Variants in HS6ST3 observed in about 807,000 individuals in gnomAD.
HS6ST3 encodes heparan sulfate 6-O-sulfotransferase 3.
Under a neutral mutation model 36.7 loss-of-function variants are expected in HS6ST3, and 12 were observed. The ratio of observed to expected loss-of-function variants is 0.33; its 90% CI spans 0.21 to 0.53. HS6ST3 has a LOEUF of 0.53. HS6ST3 is among the 20% of genes least tolerant of loss of function. The pLI is 0.95. For synonymous variants in HS6ST3, 240 were observed against 257.5 expected (o/e 0.93, Z 0.65); for missense variants, 584 against 640.9 (o/e 0.91, Z 0.96).
intron 1 of HS6ST3, among the ~76,000 whole-genome samples, chr13:96,634,062 A>C (rs1460879875): frequency 6.6e-6 from 1 of 152,178 alleles, no homozygotes; most frequent in Non-Finnish European, 1.5e-5. Context: ...GGATATGAGG[A>C]GGCAGCCATC....
At chr13:96,640,141 C>T (rs2056565283) in intron 1 of HS6ST3, among the ~76,000 whole-genome samples, 1 of 151,978 alleles carries the variant, frequency 6.6e-6, no homozygotes, top group Non-Finnish European at 1.5e-5. Context: ...TGAGAAATGT[C>T]CAAACTGCTT....
At position 96,839,312 on chromosome 13, in the gene HS6ST3, T is replaced by C. The variant is rs953336468; in HGVS notation, c.*6114T>C. 3.9e-5 allele frequency: 6 copies of C among 152,204 alleles called. No homozygotes were observed. The highest frequency in any genetic ancestry group is 3.9e-4 in the Admixed American group (6 of 15,278). The allele number at this position is 152,204 out of a possible 1,614,324, so 9.4% of individuals were successfully genotyped here. A position where few individuals can be genotyped will look rare whatever the true frequency, so the allele number is the denominator to read the frequency against. Reference sequence around the variant, plus strand: ...AGTGTTGGAAAGAAAAATCTGGATCTTTATGTGGGGACCTATTTTACATGT... The same window carrying C: ...AGTGTTGGAAAGAAAAATCTGGATCCTTATGTGGGGACCTATTTTACATGT... On this transcript the variant is annotated 3_prime_UTR_variant, in exon 2 of 2. Coordinates refer to ENST00000376705, the MANE Select transcript of HS6ST3 (RefSeq NM_153456.4).
At chr13:96,442,936 A>G (rs2055680339) in intron 1 of HS6ST3, among the ~76,000 whole-genome samples, 1 of 152,104 alleles carries the variant, frequency 6.6e-6, no homozygotes, top group Non-Finnish European at 1.5e-5. Flanking sequence ...GAGACTGGTC[A>G]ACTTTAAGAA....
In HS6ST3 at chr13:96,325,298, T is replaced by C. The variant is rs563626973; in HGVS notation, c.707+233729T>C. ...CGTTTTCTAAGGTAAGGAAATAGTT[T>C]TACACACAGTTGACCTTCTGTATCT... On this transcript the variant is annotated intron_variant, in intron 1 of 1. Transcript: ENST00000376705. Among the ~76,000 whole-genome samples the C allele has an allele frequency of 6.6e-5, 10 of 152,288 alleles. 1 individual carries two copies. Among genetic ancestry groups the C allele is most frequent in the African/African-American group, 2.4e-4 (10 of 41,558 alleles).
chr13:96,162,206 C>T (rs550953915), intron 1 of HS6ST3, among the ~76,000 whole-genome samples: 7 of 152,020 alleles, frequency 4.6e-5, no homozygotes, highest in South Asian at 2.1e-4. Context: ...ATTTAAGTGA[C>T]GTGGTAGACG....
In HS6ST3 at chr13:96,459,100, TAAAAAAAA is replaced by T. The variant is rs747439262; in HGVS notation, c.707+367549_707+367556del. Among the ~76,000 whole-genome samples the T allele has an allele frequency of 2.8e-4, 18 of 63,886 alleles. 1 individual carries two copies. The highest frequency in any genetic ancestry group is 3.7e-4 in the Non-Finnish European group (14 of 37,352). 41.9% of individuals were successfully genotyped at this position (63,886 alleles called of 152,430 possible). On this transcript the variant is annotated intron_variant, in intron 1 of 1. Coordinates refer to ENST00000376705, the MANE Select transcript of HS6ST3 (RefSeq NM_153456.4). ...GCCTGGGCGACAGAGCAAGACTGTCTAAAAAAAAAAAAAAAAAAAAAAAAAGAGGTGAC... is the reference window on the plus strand; with the variant it reads ...GCCTGGGCGACAGAGCAAGACTGTCTAAAAAAAAAAAAAAAAAGAGGTGAC...
At chr13:96,436,391 T>C (rs1160408478) in intron 1 of HS6ST3, among the ~76,000 whole-genome samples, 2 of 152,234 alleles carry the variant, frequency 1.3e-5, no homozygotes, top group African/African-American at 4.8e-5. Flanking sequence ...AATATGTCAA[T>C]GGTATCATGC....
At chr13:96,388,931 T>C (rs960583665) in intron 1 of HS6ST3, among the ~76,000 whole-genome samples, 6 of 152,140 alleles carry the variant, frequency 3.9e-5, no homozygotes, top group Non-Finnish European at 7.4e-5. Context: ...TTCCTTTAAG[T>C]TACCCAGTCT....
intron 1 of HS6ST3, among the ~76,000 whole-genome samples, chr13:96,578,180 A>G (rs963717612): frequency 6.6e-6 from 1 of 152,196 alleles, no homozygotes; most frequent in Admixed American, 6.5e-5. Context: ...TTCCTTGTCA[A>G]GAGGACTCAG....
chr13:96,315,629 TTTA>T (rs2054965001), intron 1 of HS6ST3, among the ~76,000 whole-genome samples: 2 of 152,032 alleles, frequency 1.3e-5, no homozygotes, highest in Admixed American at 1.3e-4. Context: ...TATGCATTGC[TTTA>T]TTTTCTTTTT....
At chr13:96,789,228 T>A (rs1253335133) in intron 1 of HS6ST3, among the ~76,000 whole-genome samples, 2 of 151,914 alleles carry the variant, frequency 1.3e-5, no homozygotes, top group African/African-American at 2.4e-5. Flanking sequence ...GATACTTAAC[T>A]TTTTATAGTC....
At position 96,805,360 on chromosome 13, in the gene HS6ST3, G is replaced by A. The variant is rs116891420; in HGVS notation, c.708-27130G>A. ...TCTCTCTCCTTCCACCGTGTAAGAT[G>A]TACCCTGCTTCTCCTTCCCCTTCTA... On this transcript the variant is annotated intron_variant, in intron 1 of 1. Coordinates refer to ENST00000376705, the MANE Select transcript of HS6ST3 (RefSeq NM_153456.4). 5.2e-4 allele frequency among the ~76,000 whole-genome samples: 79 copies of A among 152,236 alleles called. No homozygotes were observed. The East Asian group carries it at 0.014, about 28-fold the overall frequency.
intron 1 of HS6ST3, among the ~76,000 whole-genome samples, chr13:96,681,779 A>G (rs1163286948): frequency 6.6e-6 from 1 of 152,076 alleles, no homozygotes; most frequent in Non-Finnish European, 1.5e-5. Flanking sequence ...CAGTTTTTAA[A>G]CCACTAAGTC....
intron 1 of HS6ST3, among the ~76,000 whole-genome samples, chr13:96,564,223 A>G (rs891714113): frequency 3.3e-5 from 5 of 152,138 alleles, no homozygotes; most frequent in Non-Finnish European, 5.9e-5. Context: ...TCTTCTACCT[A>G]TTCAGGAATT....
At chr13:96,304,706 TC>T (rs1374848074) in intron 1 of HS6ST3, among the ~76,000 whole-genome samples, 3,026 of 98,062 alleles carry the variant, frequency 0.031, 65 homozygotes, top group South Asian at 0.068. Context: ...TTTCTTTCTT[TC>T]TTTCTTTTTT....
chr13:96,310,704 C>A (rs1055326120), intron 1 of HS6ST3, among the ~76,000 whole-genome samples: 1 of 150,628 alleles, frequency 6.6e-6, no homozygotes, highest in South Asian at 2.1e-4. Context: ...TCCCTTCCCA[C>A]TCTGTGGCAC....
At chr13:96,582,962 A>G (rs565784538) in intron 1 of HS6ST3, among the ~76,000 whole-genome samples, 1 of 152,180 alleles carries the variant, frequency 6.6e-6, no homozygotes, top group South Asian at 2.1e-4. Context: ...TTCGTTGTTC[A>G]TCTGAAATCA....
intron 1 of HS6ST3, among the ~76,000 whole-genome samples, chr13:96,828,011 C>T (rs1324787686): frequency 1.3e-5 from 2 of 152,206 alleles, no homozygotes; most frequent in Admixed American, 1.3e-4. Flanking sequence ...AGTACTTCCT[C>T]TTGGAGCCCA....
chr13:96,105,776 T>G (rs1229470727), intron 1 of HS6ST3, among the ~76,000 whole-genome samples: 1 of 152,256 alleles, frequency 6.6e-6, no homozygotes, highest in African/African-American at 2.4e-5. Flanking sequence ...GGTTCATTCA[T>G]GCTTGTACAT....
Sources: allele counts gnomAD v4.1 joint callset (sites outside exome capture counted in the v4.1 genomes callset), GRCh38; gene constraint gnomAD v4.1.1; transcripts MANE v1.5; gene names NCBI Gene and HGNC (gene_info 2026-07-23, HGNC 2026-07-21).